Variants in FLI1 observed in about 807,000 individuals in gnomAD.
FLI1 encodes Friend leukemia integration 1 transcription factor.
In FLI1, 13 loss-of-function variants were observed where a neutral mutation model predicts 53.1. The ratio of observed to expected loss-of-function variants is 0.24; its 90% CI spans 0.16 to 0.39. The LOEUF is 0.39. Among genes scored for constraint, FLI1 ranks in the 10% least tolerant of loss-of-function variants. FLI1 has a pLI of 1.00. For synonymous variants in FLI1, 244 were observed against 236.7 expected (o/e 1.03, Z -0.28); for missense variants, 424 against 600.5 (o/e 0.71, Z 3.07).
intron 1 of FLI1, among the ~76,000 whole-genome samples, chr11:128,729,179 C>T (rs188269546): frequency 1.3e-5 from 2 of 152,300 alleles, no homozygotes; most frequent in East Asian, 3.9e-4. Context: ...TGCCAAGAGA[C>T]TTTGTTGTGC....
At chr11:128,731,325 C>G (rs1223459530) in intron 1 of FLI1, among the ~76,000 whole-genome samples, 1 of 152,148 alleles carries the variant, frequency 6.6e-6, no homozygotes, top group Non-Finnish European at 1.5e-5. Context: ...TGAGTTTGCT[C>G]TCATCTTCTC....
At chr11:128,802,339 C>T (rs1942657033) in intron 5 of FLI1, among the ~76,000 whole-genome samples, 1 of 152,188 alleles carries the variant, frequency 6.6e-6, no homozygotes, top group Admixed American at 6.5e-5. Flanking sequence ...ACCCCAGAGC[C>T]AATGTGCTCA....
intron 2 of FLI1, chr11:128,764,848 G>A (rs1166874333): frequency 1.3e-6 from 2 of 1,589,288 alleles, no homozygotes; most frequent in Non-Finnish European, 1.7e-6. Context: ...TTCTCTCCCT[G>A]AGCAGTGGGA....
intron 1 of FLI1, among the ~76,000 whole-genome samples, chr11:128,687,179 G>A (rs1042728644): frequency 6.6e-6 from 1 of 152,248 alleles, no homozygotes; most frequent in Non-Finnish European, 1.5e-5. Flanking sequence ...GGTGAGACAC[G>A]CGCTCAGTCC....
At chr11:128,704,990 T>C (rs561548526) in intron 1 of FLI1, among the ~76,000 whole-genome samples, 18 of 152,328 alleles carry the variant, frequency 1.2e-4, no homozygotes, top group African/African-American at 4.1e-4. Flanking sequence ...TTGAAGAGAT[T>C]GGGTAAGTTA....
chr11:128,798,251 A>G (rs902552631), intron 5 of FLI1, among the ~76,000 whole-genome samples: 1 of 152,230 alleles, frequency 6.6e-6, no homozygotes, highest in African/African-American at 2.4e-5. Context: ...TAATCTAGTC[A>G]GTATGAATTG....
rs778835241 is a variant in FLI1, at chr11:128,772,635, GTT to G, written c.386-146_386-145del. 1.4e-3 allele frequency: 979 copies of G among 693,682 alleles called. 6 individuals carry two copies. Among genetic ancestry groups the G allele is most frequent in the Middle Eastern group, 1.2e-3 (3 of 2,454 alleles). The allele number at this position is 693,682 out of a possible 1,614,324, so 43.0% of individuals were successfully genotyped here. ...CCAGATGCCATGGAGCCTGATGAGT[GTT>G]CTAGGGGAACCATGTGGAAGGGAGC... On this transcript the variant is annotated intron_variant, in intron 3 of 8. Transcript: ENST00000527786.
intron 1 of FLI1, among the ~76,000 whole-genome samples, chr11:128,710,020 C>A (rs866905417): frequency 1.3e-5 from 2 of 152,306 alleles, no homozygotes; most frequent in Non-Finnish European, 2.9e-5. Context: ...TGAAGATGAT[C>A]CTCTTTTAGT....
chr11:128,787,240 T>C (rs1942114900), intron 5 of FLI1, among the ~76,000 whole-genome samples: 1 of 152,178 alleles, frequency 6.6e-6, no homozygotes, highest in South Asian at 2.1e-4. Context: ...CTATCCATTA[T>C]CCCGTTTGTG....
intron 1 of FLI1, among the ~76,000 whole-genome samples, chr11:128,732,338 G>A (rs634466): frequency 0.022 from 3,368 of 152,282 alleles, 58 homozygotes; most frequent in Non-Finnish European, 0.033. Context: ...CAGAACCAAC[G>A]TGAGTCTATG....
intron 1 of FLI1, among the ~76,000 whole-genome samples, chr11:128,741,568 C>T (rs74540741): frequency 0.02 from 3,115 of 152,286 alleles, 54 homozygotes; most frequent in Middle Eastern, 0.037. Context: ...GTGAGAGCCA[C>T]AACAATGGAG....
chr11:128,776,137 T>C (rs1941720066), intron 4 of FLI1, among the ~76,000 whole-genome samples: 1 of 152,252 alleles, frequency 6.6e-6, no homozygotes, highest in Admixed American at 6.5e-5. Flanking sequence ...AAATGTATTT[T>C]CCAGGGTAGA....
At chr11:128,792,456 G>C (rs1443919131) in intron 5 of FLI1, among the ~76,000 whole-genome samples, 1 of 152,172 alleles carries the variant, frequency 6.6e-6, no homozygotes, top group African/African-American at 2.4e-5. Context: ...TTGTTTGCCG[G>C]GTGGGATGGG....
chr11:128,719,620 T>G (rs1027726422), intron 1 of FLI1, among the ~76,000 whole-genome samples: 2 of 152,070 alleles, frequency 1.3e-5, no homozygotes, highest in East Asian at 1.9e-4. Context: ...TTACTGCAAA[T>G]TTTGGGAGCT....
At chr11:128,773,945 C>A (rs1003644511) in intron 4 of FLI1, among the ~76,000 whole-genome samples, 1 of 152,094 alleles carries the variant, frequency 6.6e-6, no homozygotes, top group African/African-American at 2.4e-5. Context: ...ATGGCCAAGG[C>A]AGCTGCGAGT....
chr11:128,781,160 T>C (rs1481126894), intron 4 of FLI1, among the ~76,000 whole-genome samples: 1 of 152,236 alleles, frequency 6.6e-6, no homozygotes, highest in Non-Finnish European at 1.5e-5. Context: ...GCGTGACTCC[T>C]CAGGTTCAGT....
At chr11:128,705,863 T>C (rs1938526687) in intron 1 of FLI1, among the ~76,000 whole-genome samples, 1 of 152,136 alleles carries the variant, frequency 6.6e-6, no homozygotes, top group South Asian at 2.1e-4. Flanking sequence ...TATTTTAAAT[T>C]TTTCATTCTC....
chr11:128,794,846 T>C (rs2268601), intron 5 of FLI1, among the ~76,000 whole-genome samples: 15,359 of 151,992 alleles, frequency 0.1, 929 homozygotes, highest in East Asian at 0.27. Context: ...GAGGTCGAGG[T>C]GGAAAGATCA....
intron 5 of FLI1, among the ~76,000 whole-genome samples, chr11:128,784,457 C>T (rs780685323): frequency 5.3e-5 from 8 of 152,310 alleles, no homozygotes; most frequent in Admixed American, 1.3e-4. Flanking sequence ...GGCAAACACA[C>T]GCTGCCAGGA....
Sources: gnomAD v4.1 joint callset for allele counts (sites outside exome capture counted in the v4.1 genomes callset) on GRCh38, gnomAD v4.1.1 for gene constraint, MANE v1.5 for transcripts, NCBI Gene and HGNC (gene_info 2026-07-23, HGNC 2026-07-21) for gene names.